PRKAR2B: variants seen among roughly 807,000 people sequenced by gnomAD.
PRKAR2B encodes the protein protein kinase cAMP-dependent type II regulatory subunit beta, also known as cAMP-dependent protein kinase type II-beta regulatory subunit.
Under a neutral mutation model 49.9 loss-of-function variants are expected in PRKAR2B, and 14 were observed. That is an observed-to-expected ratio of 0.28 (90% CI 0.19 to 0.44). PRKAR2B has a LOEUF of 0.44. Among genes scored for constraint, PRKAR2B ranks in the 20% least tolerant of loss-of-function variants. PRKAR2B has a pLI of 1.00. For synonymous variants in PRKAR2B, 196 were observed against 197.7 expected (o/e 0.99, Z 0.07); for missense variants, 393 against 537.9 (o/e 0.73, Z 2.67).
At chr7:107,126,416 G>C (rs1187618288) in intron 3 of PRKAR2B, among the ~76,000 whole-genome samples, 3 of 92,716 alleles carry the variant, frequency 3.2e-5, no homozygotes, top group African/African-American at 1.5e-4. Context: ...GTGAGAATCT[G>C]TCTCAAAAAA....
rs566047945 is a variant in PRKAR2B, at chr7:107,051,346, C to G, written c.307+6132C>G. ...AATATTAGACTATATTTTCCTATCACTTGCTTAAGAAGAGACAATGGAAAA... is the reference window on the plus strand; with the variant it reads ...AATATTAGACTATATTTTCCTATCAGTTGCTTAAGAAGAGACAATGGAAAA... On this transcript the variant is annotated intron_variant, in intron 1 of 10. Coordinates refer to ENST00000265717, the MANE Select transcript of PRKAR2B (RefSeq NM_002736.3). Among the ~76,000 whole-genome samples the G allele has an allele frequency of 7.9e-5, 12 of 152,198 alleles. No homozygotes were observed. The South Asian group carries it at 2.5e-3, about 32-fold the overall frequency.
rs1158324826 is a variant in PRKAR2B, at chr7:107,088,020, A to C, written c.343+17704A>C. ...TCATATAACCAAGCTGTGGCTGCCT[A>C]CTGTATACTAAACATTCATTGATTT... On this transcript the variant is annotated intron_variant, in intron 2 of 10. Transcript: ENST00000265717. Among the ~76,000 whole-genome samples the C allele has an allele frequency of 3.9e-5, 6 of 152,216 alleles. No homozygotes were observed. The South Asian group carries it at 1.0e-3, about 26-fold the overall frequency.
rs145559416 is a variant in PRKAR2B at position 107,156,157 on chromosome 7, C to T, written c.919-827C>T. 2.8e-4 allele frequency among the ~76,000 whole-genome samples: 42 copies of T among 152,122 alleles called. No individual in the cohort carries two copies. In the East Asian group the frequency reaches 6.2e-3, roughly 22 times the overall value. On this transcript the variant is annotated intron_variant, in intron 8 of 10. Coordinates refer to ENST00000265717, the MANE Select transcript of PRKAR2B (RefSeq NM_002736.3). ...TATTAGGACAGATACCTAATGCATG[C>T]GGGGCTTAAAACCAGACAGGTTGAT...
intron 2 of PRKAR2B, among the ~76,000 whole-genome samples, chr7:107,102,547 C>A (rs568076247): frequency 6.6e-6 from 1 of 152,274 alleles, no homozygotes; most frequent in African/African-American, 2.4e-5. Flanking sequence ...GTTTCTTGAG[C>A]AAAGCCAAGA....
At chr7:107,076,574 T>A (rs1022015001) in intron 2 of PRKAR2B, among the ~76,000 whole-genome samples, 4 of 152,208 alleles carry the variant, frequency 2.6e-5, no homozygotes, top group African/African-American at 4.8e-5. Context: ...ATGAAATCTT[T>A]GCATTGACAT....
chr7:107,048,729 ATCT>A (rs1348348427), intron 1 of PRKAR2B, among the ~76,000 whole-genome samples: 18 of 152,332 alleles, frequency 1.2e-4, no homozygotes, highest in African/African-American at 3.1e-4. Flanking sequence ...GGTGAAGGTC[ATCT>A]TCTTTCCTAC....
At chr7:107,114,475 C>G (rs1177569357) in intron 2 of PRKAR2B, among the ~76,000 whole-genome samples, 3 of 151,294 alleles carry the variant, frequency 2.0e-5, no homozygotes, top group Admixed American at 1.3e-4. Context: ...GATTCTTGTG[C>G]CTTAGCCTCC....
intron 2 of PRKAR2B, among the ~76,000 whole-genome samples, chr7:107,071,097 T>A (rs1794264178): frequency 6.6e-6 from 1 of 152,236 alleles, no homozygotes; most frequent in Non-Finnish European, 1.5e-5. Flanking sequence ...ATATGGCTTA[T>A]CTTCTCTGTG....
chr7:107,079,107 G>T (rs184613985), intron 2 of PRKAR2B, among the ~76,000 whole-genome samples: 1 of 152,172 alleles, frequency 6.6e-6, no homozygotes, highest in African/African-American at 2.4e-5. Flanking sequence ...ATAGGTATGA[G>T]TAGATAGAAT....
At chr7:107,056,826 C>G (rs776587519) in intron 1 of PRKAR2B, among the ~76,000 whole-genome samples, 12 of 152,142 alleles carry the variant, frequency 7.9e-5, no homozygotes, top group Non-Finnish European at 1.8e-4. Context: ...TCAGTTCAGT[C>G]TCATAGATTT....
At chr7:107,140,773 A>T in intron 4 of PRKAR2B, 74 bp from the exon 5 acceptor site, 1 of 1,085,040 alleles carries the variant, frequency 9.2e-7, no homozygotes, top group South Asian at 1.5e-5. Context: ...GTTCACAGAA[A>T]TATAACTGTG....
In PRKAR2B at chr7:107,157,884, C is replaced by T. The variant is rs557527071; in HGVS notation, c.1123+560C>T. 5.3e-5 allele frequency among the ~76,000 whole-genome samples: 8 copies of T among 152,278 alleles called. No individual in the cohort carries two copies. In the South Asian group the frequency reaches 1.5e-3, roughly 28 times the overall value. ...CTGAGATTATATATCTGAGAAATCA[C>T]TTACTTTGATAAGAAAATACAGTTT... On this transcript the variant is annotated intron_variant, in intron 10 of 10. Coordinates refer to ENST00000265717, the MANE Select transcript of PRKAR2B (RefSeq NM_002736.3).
chr7:107,131,789 GCT>G (rs1584444807), intron 4 of PRKAR2B, among the ~76,000 whole-genome samples: 1 of 152,272 alleles, frequency 6.6e-6, no homozygotes, highest in East Asian at 1.9e-4. Flanking sequence ...TTTAGTTTAA[GCT>G]CATATTGTAA....
intron 5 of PRKAR2B, among the ~76,000 whole-genome samples, chr7:107,141,687 CTG>C (rs1795792831): frequency 6.6e-6 from 1 of 152,142 alleles, no homozygotes. Context: ...GAGTGAAACT[CTG>C]TCTCAAATAA....
chr7:107,128,416 A>G (rs1162531455), intron 4 of PRKAR2B, 121 bp downstream of exon 4: 3 of 657,766 alleles, frequency 4.6e-6, no homozygotes, highest in Non-Finnish European at 7.8e-6. Flanking sequence ...GTGATGGTAA[A>G]GGCCCCCTTG....
intron 1 of PRKAR2B, among the ~76,000 whole-genome samples, chr7:107,050,611 T>C (rs1793782587): frequency 6.6e-6 from 1 of 152,054 alleles, no homozygotes; most frequent in Non-Finnish European, 1.5e-5. Flanking sequence ...TCAGTAGTAG[T>C]AGTAATAAAG....
intron 2 of PRKAR2B, among the ~76,000 whole-genome samples, chr7:107,089,012 T>C (rs2116797596): frequency 6.6e-6 from 1 of 151,814 alleles, no homozygotes; most frequent in South Asian, 2.1e-4. Flanking sequence ...CTACTAAAAA[T>C]AGAAAAATTA....
In PRKAR2B at chr7:107,158,294, AT is replaced by A. The variant is rs536811300; in HGVS notation, c.1123+978del. On this transcript the variant is annotated intron_variant, in intron 10 of 10. Transcript: ENST00000265717. ...AAGGTGAGTGAGTGAAAGTCTGTTA[AT>A]TTTTTTTCAATAATAGATTATTATA... is the stretch of plus-strand genomic sequence containing the variant. 2.9e-3 allele frequency among the ~76,000 whole-genome samples: 389 copies of A among 135,260 alleles called. 1 individual carries two copies. Among genetic ancestry groups the A allele is most frequent in the African/African-American group, 9.6e-3 (370 of 38,494 alleles). The allele number at this position is 135,260 out of a possible 152,430, so 88.7% of individuals were successfully genotyped here.
At chr7:107,052,340 C>A (rs938618588) in intron 1 of PRKAR2B, among the ~76,000 whole-genome samples, 1 of 152,152 alleles carries the variant, frequency 6.6e-6, no homozygotes, top group Non-Finnish European at 1.5e-5. Flanking sequence ...ATCGCTTGAA[C>A]CCTGGAGACG....
Sources: allele counts gnomAD v4.1 joint callset (sites outside exome capture counted in the v4.1 genomes callset), GRCh38; gene constraint gnomAD v4.1.1; transcripts MANE v1.5; gene names NCBI Gene and HGNC (gene_info 2026-07-23, HGNC 2026-07-21).